RIT2: variants seen among roughly 807,000 people sequenced by gnomAD.
RIT2 encodes Ras like without CAAX 2.
Under a neutral mutation model 23.7 loss-of-function variants are expected in RIT2, and 24 were observed. The observed-to-expected ratio is 1.01, with a 90% CI of 0.73 to 1.43. RIT2 has a LOEUF of 1.43. RIT2 is among the 40% of genes most tolerant of loss of function. The pLI is 0.00. For synonymous variants in RIT2, 107 were observed against 91.1 expected (o/e 1.17, Z -0.99); for missense variants, 236 against 266.9 (o/e 0.88, Z 0.81).
intron 1 of RIT2, among the ~76,000 whole-genome samples, chr18:43,071,844 G>A (rs1359592756): frequency 6.6e-6 from 1 of 152,098 alleles, no homozygotes; most frequent in East Asian, 1.9e-4. Context: ...TTATCTATGA[G>A]TCAAAATCTG....
chr18:42,782,191 T>C (rs1913825716), intron 4 of RIT2, among the ~76,000 whole-genome samples: 2 of 152,146 alleles, frequency 1.3e-5, no homozygotes, highest in Admixed American at 1.3e-4. Flanking sequence ...TGACATTTAG[T>C]TGGGCTGCTC....
intron 4 of RIT2, among the ~76,000 whole-genome samples, chr18:42,887,870 C>T (rs1908064744): frequency 6.6e-6 from 1 of 152,044 alleles, no homozygotes; most frequent in Non-Finnish European, 1.5e-5. Context: ...ATGGAAGAAG[C>T]TTAAATGTCT....
At chr18:43,043,763 C>A (rs1439035067) in intron 1 of RIT2, among the ~76,000 whole-genome samples, 1 of 152,038 alleles carries the variant, frequency 6.6e-6, no homozygotes, top group African/African-American at 2.4e-5. Flanking sequence ...AGTGCCATTG[C>A]ACTCCAGCCT....
At position 42,906,738 on chromosome 18, in the gene RIT2, A is replaced by G. The variant is rs550696129; in HGVS notation, c.426+16834T>C. Among the ~76,000 whole-genome samples, 9 of 152,318 alleles carry G rather than the reference A, an allele frequency of 5.9e-5. No homozygotes were observed. In the South Asian group the frequency reaches 1.9e-3, roughly 32 times the overall value. ...TGCCATTTATGGAACACTGCCTTTC[A>G]AAACCTGTCTTGTCTGCCCCATATC... On this transcript the variant is annotated intron_variant, in intron 4 of 4. Transcript: ENST00000326695.
intron 3 of RIT2, among the ~76,000 whole-genome samples, chr18:42,928,105 G>C (rs1488258743): frequency 1.3e-5 from 2 of 151,830 alleles, no homozygotes; most frequent in Admixed American, 6.6e-5. Flanking sequence ...ATCCCTTTTG[G>C]CCATCTCTTT....
At chr18:42,884,662 A>G (rs1252590835) in intron 4 of RIT2, among the ~76,000 whole-genome samples, 4 of 152,218 alleles carry the variant, frequency 2.6e-5, no homozygotes, top group Non-Finnish European at 4.4e-5. Flanking sequence ...GTAACTTGCT[A>G]TTATCCATAG....
chr18:42,828,125 G>A (rs968281216), intron 4 of RIT2, among the ~76,000 whole-genome samples: 6 of 151,914 alleles, frequency 3.9e-5, no homozygotes, highest in East Asian at 1.9e-4. Flanking sequence ...GTGCTGACAA[G>A]GATATGCATT....
At chr18:42,956,084 C>T (rs918524963) in intron 3 of RIT2, among the ~76,000 whole-genome samples, 2 of 152,016 alleles carry the variant, frequency 1.3e-5, no homozygotes, top group African/African-American at 4.8e-5. Context: ...CAAAAGGAAC[C>T]CTCTTTTCAC....
chr18:42,889,978 C>A (rs981586796), intron 4 of RIT2, among the ~76,000 whole-genome samples: 1 of 152,024 alleles, frequency 6.6e-6, no homozygotes, highest in Non-Finnish European at 1.5e-5. Context: ...GATAAAACCC[C>A]TTCCCATCTC....
At chr18:42,872,129 A>G (rs1907636250) in intron 4 of RIT2, among the ~76,000 whole-genome samples, 1 of 152,206 alleles carries the variant, frequency 6.6e-6, no homozygotes, top group South Asian at 2.1e-4. Flanking sequence ...AAAAAATCAA[A>G]AAGGATTTTT....
intron 2 of RIT2, among the ~76,000 whole-genome samples, chr18:42,993,185 C>T (rs1910895684): frequency 6.6e-6 from 1 of 152,186 alleles, no homozygotes; most frequent in African/African-American, 2.4e-5. Flanking sequence ...CCAAGGAATG[C>T]CCACAGCCCA....
intron 2 of RIT2, among the ~76,000 whole-genome samples, chr18:42,981,217 T>C (rs984992631): frequency 1.3e-5 from 2 of 152,102 alleles, no homozygotes; most frequent in Non-Finnish European, 2.9e-5. Flanking sequence ...TTTTAACACC[T>C]CAAAAATACC....
intron 1 of RIT2, among the ~76,000 whole-genome samples, chr18:43,056,753 C>T (rs1055092404): frequency 6.6e-6 from 1 of 152,094 alleles, no homozygotes; most frequent in Admixed American, 6.6e-5. Context: ...TGAGTTGCTC[C>T]AGGCATTAGT....
intron 2 of RIT2, among the ~76,000 whole-genome samples, chr18:42,974,872 G>T (rs1285156983): frequency 6.6e-6 from 1 of 151,992 alleles, no homozygotes; most frequent in Non-Finnish European, 1.5e-5. Flanking sequence ...CATTGAAAAT[G>T]GTAAAATGTT....
At chr18:42,772,596 T>A (rs2143917238) in intron 4 of RIT2, among the ~76,000 whole-genome samples, 1 of 152,330 alleles carries the variant, frequency 6.6e-6, no homozygotes, top group African/African-American at 2.4e-5. Flanking sequence ...CTGTAATTTC[T>A]TGAGCAATTA....
intron 2 of RIT2, among the ~76,000 whole-genome samples, chr18:42,982,781 A>G (rs1910625601): frequency 1.3e-5 from 2 of 152,266 alleles, no homozygotes; most frequent in South Asian, 2.1e-4. Flanking sequence ...TGTATATTGA[A>G]CAAAACACAT....
intron 4 of RIT2, among the ~76,000 whole-genome samples, chr18:42,816,085 C>T (rs1304924719): frequency 1.3e-5 from 2 of 151,344 alleles, no homozygotes; most frequent in East Asian, 1.9e-4. Flanking sequence ...TTGGAAATAA[C>T]AATCCAGTCA....
chr18:42,877,983 T>A (rs907733017), intron 4 of RIT2, among the ~76,000 whole-genome samples: 1 of 151,968 alleles, frequency 6.6e-6, no homozygotes, highest in Admixed American at 6.6e-5. Context: ...GATACCATAT[T>A]ATGTATGTGC....
rs79462921 is a variant in RIT2, at chr18:42,941,756, C to A, written c.235-17993G>T. Among the ~76,000 whole-genome samples, 12 of 152,144 alleles carry A rather than the reference C, an allele frequency of 7.9e-5. No homozygotes were observed. In the East Asian group the frequency reaches 2.3e-3, roughly 29 times the overall value. On this transcript the variant is annotated intron_variant, in intron 3 of 4. Coordinates refer to ENST00000326695, the MANE Select transcript of RIT2 (RefSeq NM_002930.4). ...TGATTTTACAGTGCTGTTGGTCAAG[C>A]ATTGTTCTGTTTCATATATATGTAT...
Sources: allele counts gnomAD v4.1 joint callset (sites outside exome capture counted in the v4.1 genomes callset), GRCh38; gene constraint gnomAD v4.1.1; transcripts MANE v1.5; gene names NCBI Gene and HGNC (gene_info 2026-07-23, HGNC 2026-07-21).